Variants in KCNA3 observed in about 807,000 individuals in gnomAD.
KCNA3 encodes the protein RP11-284N8.3.
In KCNA3, 18 loss-of-function variants were observed where a neutral mutation model predicts 34.3. That is an observed-to-expected ratio of 0.52 (90% CI 0.36 to 0.78). KCNA3 has a LOEUF of 0.78. KCNA3 is among the 30% of genes least tolerant of loss of function. The probability of loss-of-function intolerance (pLI) is 0.00; values close to 1 mark genes in which losing one functional copy is unlikely to be tolerated. For synonymous variants in KCNA3, 324 were observed against 351.7 expected, an observed-to-expected ratio of 0.92 and a Z score of 0.88; for missense variants, 587 against 802.5, an observed-to-expected ratio of 0.73 and a Z score of 3.24.
At position 110,672,954 on chromosome 1, in the gene KCNA3, T is replaced by A; in HGVS notation, c.*128A>T. On this transcript the variant is annotated 3_prime_UTR_variant, in exon 1 of 1. Transcript: ENST00000369769. ...AGCAGCAGGGAGAGGGAGAATGAAG[T>A]GTGCTTTCCACTTCTTCAGGTCCTT... is the stretch of plus-strand genomic sequence containing the variant. 1 of 933,546 alleles carries A rather than the reference T, an allele frequency of 1.1e-6. No homozygotes were observed. The highest frequency in any genetic ancestry group is 1.6e-6 in the Non-Finnish European group (1 of 617,224). The allele number at this position is 933,546 out of a possible 1,614,324, so 57.8% of individuals were successfully genotyped here.
chr1:110,661,835 C>T, the KCNA3 span, among the ~76,000 whole-genome samples: 3 of 152,006 alleles, frequency 2.0e-5, no homozygotes, highest in Non-Finnish European at 2.9e-5. Flanking sequence ...CAGCCGGGCG[C>T]GGTGGCTCAC....
chr1:110,661,655 CGGTGGG>C, the KCNA3 span, among the ~76,000 whole-genome samples: 119 of 152,154 alleles, frequency 7.8e-4, no homozygotes, highest in African/African-American at 2.6e-3. Flanking sequence ...TTATATAAAA[CGGTGGG>C]CCTTAAAAAA....
Position 110,673,165 on chromosome 1 carries a change from T to G in KCNA3, c.1645A>C (p.Thr549Pro). Reference protein sequence around the residue: ...HSAFPQTPFKTGNSTATCTTN... With the variant: ...HSAFPQTPFKPGNSTATCTTN... ...GTGCAGGTGGCAGTGGAATTGCCCGTTTTGAAAGGGGTCTGGGGGAAAGCG... is the reference window on the plus strand; with the variant it reads ...GTGCAGGTGGCAGTGGAATTGCCCGGTTTGAAAGGGGTCTGGGGGAAAGCG... The change falls in exon 1 of 1, where the codon ACG (threonine) becomes CCG (proline). Residue 549 changes from threonine to proline, a missense_variant. Physicochemically the swap from Thr to Pro is conservative, Grantham distance 38. Transcript: ENST00000369769. This position sits in a 1 kb window ranked among gnomAD's most constrained non-coding sequence, Gnocchi z 8.8. 1 of 1,614,050 alleles carries G rather than the reference T, an allele frequency of 6.2e-7. No homozygotes were observed. Among genetic ancestry groups the G allele is most frequent in the South Asian group, 1.1e-5 (1 of 91,058 alleles).
chr1:110,659,045 T>C, the KCNA3 span, among the ~76,000 whole-genome samples: 26 of 152,174 alleles, frequency 1.7e-4, no homozygotes, highest in African/African-American at 6.3e-4. Flanking sequence ...CTTATTTATA[T>C]GTAAATGGGC....
chr1:110,656,732 A>G, the KCNA3 span: 1 of 152,204 alleles, frequency 6.6e-6, no homozygotes, highest in Non-Finnish European at 1.5e-5. Context: ...TCCCAGGCTT[A>G]AAATGTTGAG....
chr1:110,665,034 T>C, the KCNA3 span, among the ~76,000 whole-genome samples: 1 of 151,408 alleles, frequency 6.6e-6, no homozygotes, highest in Admixed American at 6.6e-5. Context: ...GGGAGAGGAG[T>C]TGGAAATTAG....
downstream of KCNA3, among the ~76,000 whole-genome samples, chr1:110,671,760 C>T (rs374177305): frequency 6.6e-6 from 1 of 152,090 alleles, no homozygotes. Flanking sequence ...TGCTTATGTA[C>T]AGAACACTTT....
chr1:110,659,575 C>T, the KCNA3 span, among the ~76,000 whole-genome samples: 1 of 152,138 alleles, frequency 6.6e-6, no homozygotes, highest in African/African-American at 2.4e-5. Context: ...ATATGGGGGG[C>T]TCTTCAGGGA....
chr1:110,654,971 T>C, the KCNA3 span: 1 of 152,122 alleles, frequency 6.6e-6, no homozygotes, highest in Non-Finnish European at 1.5e-5. Flanking sequence ...GCAAGTATGA[T>C]GTAAGCAAAT....
chr1:110,674,934 T>TGGGTCTGGCGCGGTCAGCCG lies in KCNA3; in HGVS notation c.-126_-125insCGGCTGACCGCGCCAGACCC. The TGGGTCTGGCGCGGTCAGCCG allele has an allele frequency of 1.7e-6, 2 of 1,203,690 alleles. No individual in the cohort carries two copies. Among genetic ancestry groups the TGGGTCTGGCGCGGTCAGCCG allele is most frequent in the Non-Finnish European group, 2.1e-6 (2 of 956,324 alleles). The allele number at this position is 1,203,690 out of a possible 1,614,324, so 74.6% of individuals were successfully genotyped here. On this transcript the variant is annotated 5_prime_UTR_variant, in exon 1 of 1. Transcript: ENST00000369769. The surrounding 1 kb of genome is among the most constrained non-coding windows in gnomAD (Gnocchi z 6.4). ...GCAGCCAAAGCCGCGATGCTCTGTC[T>TGGGTCTGGCGCGGTCAGCCG]GGGTCTGGCGCGGTCAGCCGGGCTC...
chr1:110,674,336 G>A lies in KCNA3; in HGVS notation c.474C>T (p.Ala158=). 1 of 1,614,210 alleles carries A rather than the reference G, an allele frequency of 6.2e-7. No individual in the cohort carries two copies. Among genetic ancestry groups the A allele is most frequent in the Non-Finnish European group, 8.5e-7 (1 of 1,180,032 alleles). Residue 158 remains alanine (A), a synonymous_variant, in exon 1 of 1, where the codon GCC becomes GCT. Transcript: ENST00000369769. The surrounding 1 kb of genome is among the most constrained non-coding windows in gnomAD (Gnocchi z 6.4). The stretch of plus-strand genomic sequence containing the variant: ...CCCCGGACTGATAGTAGTAGAGGAT[G>A]GCGTCGAAGCTGGGCCGGTTGCGGT... The part of the protein sequence containing the change: ...FFDRNRPSFD[A]ILYYYQSGGR...
At chr1:110,662,890 C>T in the KCNA3 span, among the ~76,000 whole-genome samples, 1 of 152,164 alleles carries the variant, frequency 6.6e-6, no homozygotes, top group African/African-American at 2.4e-5. Context: ...GATCTACAGA[C>T]TCTAGGTATA....
At chr1:110,658,434 C>CTA in the KCNA3 span, among the ~76,000 whole-genome samples, 1 of 152,026 alleles carries the variant, frequency 6.6e-6, no homozygotes, top group Non-Finnish European at 1.5e-5. Context: ...AAAAAGGGTT[C>CTA]TATATAATAA....
the KCNA3 span, among the ~76,000 whole-genome samples, chr1:110,657,767 T>C: frequency 9.8e-5 from 15 of 152,336 alleles, no homozygotes; most frequent in South Asian, 3.1e-3. Flanking sequence ...TACTGATCCT[T>C]ACTAAAACAT....
chr1:110,658,275 T>C, the KCNA3 span, among the ~76,000 whole-genome samples: 2 of 152,330 alleles, frequency 1.3e-5, no homozygotes, highest in East Asian at 3.9e-4. Context: ...ACATTTATAA[T>C]CTTGGCTTTG....
chr1:110,671,115 G>A (rs1651873429), downstream of KCNA3, among the ~76,000 whole-genome samples: 1 of 152,046 alleles, frequency 6.6e-6, no homozygotes, highest in Non-Finnish European at 1.5e-5. Context: ...ATTAAAATTG[G>A]ACCAATAATC....
chr1:110,673,483 T>C lies in KCNA3; in HGVS notation c.1327A>G (p.Thr443Ala). The C allele has an allele frequency of 1.2e-6, 2 of 1,614,162 alleles. No individual in the cohort carries two copies. The highest frequency in any genetic ancestry group is 8.5e-7 in the Non-Finnish European group (1 of 1,180,026). The change falls in exon 1 of 1, where the codon ACA (threonine) becomes GCA (alanine). Residue 443 changes from threonine (T) to alanine (A), a missense_variant. Physicochemically the swap from Thr to Ala is moderately conservative, Grantham distance 58 (BLOSUM62 0). Coordinates refer to ENST00000369769, the MANE Select transcript of KCNA3 (RefSeq NM_002232.5). This position sits in a 1 kb window ranked among gnomAD's most constrained non-coding sequence, Gnocchi z 8.8. Reference sequence around the variant, plus strand: ...TGCATATCGCCGTAACCCACTGTTGTCATGGTTACCACTGCCCACCAGAAG... The same window carrying C: ...TGCATATCGCCGTAACCCACTGTTGCCATGGTTACCACTGCCCACCAGAAG... ...DAFWWAVVTM[T>A]TVGYGDMHPV...
chr1:110,660,832 T>C, the KCNA3 span, among the ~76,000 whole-genome samples: 43 of 152,344 alleles, frequency 2.8e-4, no homozygotes, highest in South Asian at 8.5e-3. Context: ...ATAGACTTAT[T>C]CACTTCCTAC....
At chr1:110,653,610 A>G in the KCNA3 span, 1 of 152,230 alleles carries the variant, frequency 6.6e-6, no homozygotes, top group East Asian at 1.9e-4. Context: ...CAAAGAAAAC[A>G]CTTTAAATCC....
Sources: gnomAD v4.1 joint callset for allele counts (sites outside exome capture counted in the v4.1 genomes callset) on GRCh38, gnomAD v4.1.1 for gene constraint, Gnocchi (gnomAD v3.1) non-coding constraint, MANE v1.5 for transcripts, NCBI Gene and HGNC (gene_info 2026-07-23, HGNC 2026-07-21) for gene names.